The following DGKB variants were observed in gnomAD, a reference collection of about 807,000 sequenced individuals.
DGKB encodes the protein 90 kDa diacylglycerol kinase.
A neutral mutation model predicts 114.3 loss-of-function variants in DGKB; 67 were observed. That is an observed-to-expected ratio of 0.59 (90% CI 0.48 to 0.72). The LOEUF (loss-of-function observed/expected upper bound fraction) is 0.72, where lower values mean the gene tolerates loss of function less well. Ranked by LOEUF, DGKB falls within the 30% of genes least tolerant of loss-of-function variation. The pLI is 0.00. For missense variants in DGKB, 907 were observed against 975.2 expected (o/e 0.93, Z 0.93); for synonymous variants, 398 against 323.1 (o/e 1.23, Z -2.49).
At chr7:14,594,514 G>T (rs1802227614) in intron 17 of DGKB, among the ~76,000 whole-genome samples, 1 of 152,020 alleles carries the variant, frequency 6.6e-6, no homozygotes, top group Admixed American at 6.6e-5. Flanking sequence ...ATATTTGAAA[G>T]AAGTTAAAAT....
intron 12 of DGKB, 119 bp downstream of exon 12, chr7:14,682,434 T>C (rs1820996438): frequency 2.9e-6 from 2 of 694,394 alleles, no homozygotes. Context: ...GAAGTTTCCA[T>C]GGTTTTATGC....
At chr7:14,808,488 CT>C in intron 2 of DGKB, among the ~76,000 whole-genome samples, 1 of 151,794 alleles carries the variant, frequency 6.6e-6, no homozygotes, top group Non-Finnish European at 1.5e-5. Context: ...ATAAGATTAA[CT>C]AGAAAAAAAG....
At chr7:14,926,551 A>G (rs901827108) in intron 1 of DGKB, among the ~76,000 whole-genome samples, 1 of 149,814 alleles carries the variant, frequency 6.7e-6, no homozygotes, top group African/African-American at 2.5e-5. Flanking sequence ...AAGCTTCTCT[A>G]TCGTCATGGA....
chr7:14,902,141 T>C (rs188117449), intron 1 of DGKB, among the ~76,000 whole-genome samples: 4 of 152,302 alleles, frequency 2.6e-5, no homozygotes, highest in Non-Finnish European at 5.9e-5. Context: ...TCGAAGACTT[T>C]TGTTTGCTTG....
intron 1 of DGKB, among the ~76,000 whole-genome samples, chr7:14,874,988 A>C (rs1853054634): frequency 6.6e-6 from 1 of 152,130 alleles, no homozygotes; most frequent in African/African-American, 2.4e-5. Context: ...TATTTTACAT[A>C]ATTCCACAAG....
chr7:14,427,101 G>C (rs112811048), intron 21 of DGKB, among the ~76,000 whole-genome samples: 12,422 of 151,946 alleles, frequency 0.082, 773 homozygotes, highest in East Asian at 0.28. Context: ...GTCAGGGAGT[G>C]GGGGGTGGGA....
intron 12 of DGKB, among the ~76,000 whole-genome samples, chr7:14,681,093 T>A (rs558194765): frequency 2.8e-5 from 4 of 143,542 alleles, no homozygotes; most frequent in Non-Finnish European, 6.1e-5. Context: ...AAATGACATA[T>A]GTTTGTAAAT....
At position 14,638,348 on chromosome 7, in the gene DGKB, T is replaced by G. The variant is rs73682954; in HGVS notation, c.1135-8080A>C. ...TCATCACACACTTTAAACTCAATTTTATTAGCTTCTAACAAAATGATTTAA... is the reference window on the plus strand; with the variant it reads ...TCATCACACACTTTAAACTCAATTTGATTAGCTTCTAACAAAATGATTTAA... On this transcript the variant is annotated intron_variant, in intron 13 of 25. Coordinates refer to ENST00000402815, the MANE Select transcript of DGKB (RefSeq NM_001350709.2). 1.6e-3 allele frequency among the ~76,000 whole-genome samples: 237 copies of G among 152,304 alleles called. 1 individual carries two copies. The highest frequency in any genetic ancestry group is 5.4e-3 in the African/African-American group (224 of 41,584).
intron 2 of DGKB, among the ~76,000 whole-genome samples, chr7:14,804,713 C>T (rs1287998425): frequency 2.0e-5 from 3 of 152,040 alleles, no homozygotes; most frequent in African/African-American, 7.2e-5. Context: ...TTAACTTCAT[C>T]TATGCTACTT....
intron 2 of DGKB, among the ~76,000 whole-genome samples, chr7:14,817,651 G>C (rs559173107): frequency 6.6e-6 from 1 of 152,122 alleles, no homozygotes; most frequent in East Asian, 1.9e-4. Context: ...ATAAGAGTTA[G>C]GTCTTTTAAT....
At chr7:14,729,030 A>G (rs139620810) in intron 5 of DGKB, among the ~76,000 whole-genome samples, 93 of 151,532 alleles carry the variant, frequency 6.1e-4, no homozygotes, top group African/African-American at 2.1e-3. Context: ...ATTTTTGCCA[A>G]TACTACTTAC....
intron 17 of DGKB, among the ~76,000 whole-genome samples, chr7:14,592,958 G>A (rs1451746524): frequency 6.6e-6 from 1 of 151,960 alleles, no homozygotes. Context: ...GAGATATTGT[G>A]TGGAAGCTGA....
chr7:14,511,680 T>C (rs1193572346), intron 20 of DGKB, among the ~76,000 whole-genome samples: 3 of 152,234 alleles, frequency 2.0e-5, no homozygotes, highest in African/African-American at 7.2e-5. Context: ...TAGCTTTCAG[T>C]ATCTCTTGGC....
intron 13 of DGKB, among the ~76,000 whole-genome samples, chr7:14,647,280 C>G (rs371666370): frequency 1.8e-4 from 28 of 152,134 alleles, no homozygotes; most frequent in African/African-American, 6.3e-4. Flanking sequence ...AAAATCTGAA[C>G]AGACCAATTA....
At chr7:14,933,754 C>T (rs1485509599) in intron 1 of DGKB, among the ~76,000 whole-genome samples, 2 of 152,058 alleles carry the variant, frequency 1.3e-5, no homozygotes, top group African/African-American at 4.8e-5. Flanking sequence ...CAAATTTCCT[C>T]GTTTGTCTCT....
intron 15 of DGKB, among the ~76,000 whole-genome samples, chr7:14,620,624 A>AACAT (rs912444987): frequency 1.3e-5 from 2 of 151,746 alleles, no homozygotes; most frequent in African/African-American, 2.4e-5. Flanking sequence ...TAAGTAGAAA[A>AACAT]ACATACTTAA....
rs1800202142 is a variant in DGKB, at chr7:14,583,149, G to A, written c.1434-12C>T. 1 of 1,517,882 alleles carries A rather than the reference G, an allele frequency of 6.6e-7. No individual in the cohort carries two copies. Among genetic ancestry groups the A allele is most frequent in the Admixed American group, 1.7e-5 (1 of 58,632 alleles). The allele number at this position is 1,517,882 out of a possible 1,614,324, so 94.0% of individuals were successfully genotyped here. Reference sequence around the variant, plus strand: ...GGAAAAAGTTTAACCTGAAAAATAAGCATGTTATGGCACATGATTAATAGT... The same window carrying A: ...GGAAAAAGTTTAACCTGAAAAATAAACATGTTATGGCACATGATTAATAGT... On this transcript the variant is annotated splice_polypyrimidine_tract_variant and intron_variant, in intron 17 of 25. Coordinates refer to ENST00000402815, the MANE Select transcript of DGKB (RefSeq NM_001350709.2).
intron 22 of DGKB, among the ~76,000 whole-genome samples, chr7:14,340,997 T>A (rs13246074): frequency 0.024 from 3,620 of 150,732 alleles, 78 homozygotes; most frequent in African/African-American, 0.057. Flanking sequence ...CTTTTTTTTT[T>A]AAAAAAAAGA....
intron 1 of DGKB, among the ~76,000 whole-genome samples, chr7:14,933,814 A>G (rs902000109): frequency 7.9e-5 from 12 of 152,178 alleles, no homozygotes; most frequent in Non-Finnish European, 1.3e-4. Context: ...GATATTAAAA[A>G]TATCTAATTT....
Sources: allele counts gnomAD v4.1 joint callset (sites outside exome capture counted in the v4.1 genomes callset), GRCh38; gene constraint gnomAD v4.1.1; transcripts MANE v1.5; gene names NCBI Gene and HGNC (gene_info 2026-07-23, HGNC 2026-07-21).